The following CPQ variants were observed in gnomAD, a reference collection of about 807,000 sequenced individuals.
CPQ encodes the protein carboxypeptidase Q, also known as Ser-Met dipeptidase.
A neutral mutation model predicts 45.7 loss-of-function variants in CPQ; 37 were observed. The observed-to-expected ratio is 0.81, with a 90% CI of 0.62 to 1.07. The LOEUF (loss-of-function observed/expected upper bound fraction) is 1.07, where lower values mean the gene tolerates loss of function less well. Among genes scored for constraint, CPQ ranks in the 50% least tolerant of loss-of-function variants. The pLI, the probability that CPQ is intolerant of heterozygous loss-of-function variation, is 0.00. For synonymous variants in CPQ, 186 were observed against 205.8 expected (o/e 0.90, Z 0.82); for missense variants, 537 against 572.9 (o/e 0.94, Z 0.64).
chr8:96,862,188 C>T (rs1423247500), intron 3 of CPQ, among the ~76,000 whole-genome samples: 2 of 151,854 alleles, frequency 1.3e-5, no homozygotes, highest in Non-Finnish European at 2.9e-5. Context: ...CCAGCCCTTC[C>T]GCTTATGCAT....
intron 4 of CPQ, among the ~76,000 whole-genome samples, chr8:96,913,074 T>C (rs1389400603): frequency 6.6e-6 from 1 of 152,158 alleles, no homozygotes; most frequent in Non-Finnish European, 1.5e-5. Flanking sequence ...CTTCTTCTCT[T>C]AGAAAGGAGG....
Position 97,085,593 on chromosome 8 carries a change from G to T in CPQ, c.1255+19383G>T, listed in dbSNP as rs371827348. Reference sequence around the variant, plus strand: ...GATATTTGGCAATACCCAGAATATTGACCATTTTTCCTATTTTCATCCAAA... The same window carrying T: ...GATATTTGGCAATACCCAGAATATTTACCATTTTTCCTATTTTCATCCAAA... On this transcript the variant is annotated intron_variant, in intron 7 of 7. Coordinates refer to ENST00000220763, the MANE Select transcript of CPQ (RefSeq NM_016134.4). 3.9e-5 allele frequency among the ~76,000 whole-genome samples: 6 copies of T among 152,204 alleles called. No homozygotes were observed. The East Asian group carries it at 1.2e-3, about 29-fold the overall frequency.
intron 7 of CPQ, among the ~76,000 whole-genome samples, chr8:97,107,888 T>C (rs1008364197): frequency 1.3e-5 from 2 of 152,118 alleles, no homozygotes; most frequent in African/African-American, 4.8e-5. Flanking sequence ...ATTATCTGAG[T>C]AGGCAAAAGG....
At chr8:97,011,287 C>T (rs1809480370) in intron 5 of CPQ, among the ~76,000 whole-genome samples, 1 of 152,204 alleles carries the variant, frequency 6.6e-6, no homozygotes, top group African/African-American at 2.4e-5. Flanking sequence ...CTCTCACCCA[C>T]ACCAACCAAA....
chr8:96,855,594 C>T (rs775285435), intron 3 of CPQ, among the ~76,000 whole-genome samples: 4 of 152,162 alleles, frequency 2.6e-5, no homozygotes, highest in Non-Finnish European at 4.4e-5. Flanking sequence ...TCCTTTCAGC[C>T]GCTCTCATTT....
chr8:96,699,938 A>G (rs1483432949), intron 1 of CPQ, among the ~76,000 whole-genome samples: 2 of 152,140 alleles, frequency 1.3e-5, no homozygotes, highest in Non-Finnish European at 2.9e-5. Flanking sequence ...TACATTTGTG[A>G]GTTTCTTGCC....
At chr8:97,035,569 T>C (rs548375793) in intron 6 of CPQ, among the ~76,000 whole-genome samples, 1 of 152,212 alleles carries the variant, frequency 6.6e-6, no homozygotes. Flanking sequence ...ATAGGTGTTA[T>C]GTGTTTATAT....
chr8:96,808,812 T>C (rs1283359146), intron 2 of CPQ, among the ~76,000 whole-genome samples: 1 of 152,184 alleles, frequency 6.6e-6, no homozygotes, highest in Non-Finnish European at 1.5e-5. Flanking sequence ...AGGTCAATAG[T>C]ATCTACTTTC....
chr8:96,719,241 A>G (rs1012414775), intron 1 of CPQ, among the ~76,000 whole-genome samples: 10 of 152,232 alleles, frequency 6.6e-5, no homozygotes, highest in Non-Finnish European at 1.3e-4. Flanking sequence ...GCAGGAAGGC[A>G]GCTAAGGCTT....
intron 6 of CPQ, among the ~76,000 whole-genome samples, chr8:97,045,322 T>C (rs1469633870): frequency 2.0e-5 from 3 of 152,198 alleles, no homozygotes; most frequent in African/African-American, 4.8e-5. Context: ...TGGTGCGCCA[T>C]TTTTTAAGCC....
intron 4 of CPQ, among the ~76,000 whole-genome samples, chr8:96,932,884 G>A (rs1428686270): frequency 2.0e-5 from 3 of 152,226 alleles, no homozygotes; most frequent in Admixed American, 6.5e-5. Flanking sequence ...GTGAGTAGAC[G>A]GCTGTGGAAT....
chr8:97,122,651 C>T (rs1467632139), intron 7 of CPQ, among the ~76,000 whole-genome samples: 1 of 151,730 alleles, frequency 6.6e-6, no homozygotes, highest in Non-Finnish European at 1.5e-5. Context: ...TTTGGGAGGC[C>T]AAGGCACGCG....
At chr8:96,750,756 T>G (rs1810247446) in intron 1 of CPQ, among the ~76,000 whole-genome samples, 1 of 152,058 alleles carries the variant, frequency 6.6e-6, no homozygotes, top group African/African-American at 2.4e-5. Context: ...TCAGCATCCA[T>G]TAGCTTTTCT....
At chr8:97,045,334 G>A (rs553867809) in intron 6 of CPQ, among the ~76,000 whole-genome samples, 17 of 152,300 alleles carry the variant, frequency 1.1e-4, no homozygotes, top group African/African-American at 2.9e-4. Context: ...TTTTAAGCCC[G>A]TCGGAAAAGC....
intron 2 of CPQ, among the ~76,000 whole-genome samples, chr8:96,819,062 G>A (rs974690079): frequency 6.6e-6 from 1 of 151,722 alleles, no homozygotes; most frequent in Non-Finnish European, 1.5e-5. Flanking sequence ...CCTCTACTCC[G>A]TAACTGAAAA....
chr8:96,674,150 A>G (rs1387644523), intron 1 of CPQ, among the ~76,000 whole-genome samples: 2 of 152,174 alleles, frequency 1.3e-5, no homozygotes, highest in Non-Finnish European at 2.9e-5. Context: ...AAAATACCCA[A>G]AGCTGGCATT....
chr8:96,813,437 T>A (rs1811184591), intron 2 of CPQ, among the ~76,000 whole-genome samples: 1 of 152,164 alleles, frequency 6.6e-6, no homozygotes, highest in African/African-American at 2.4e-5. Context: ...ACTGTGATGG[T>A]TCAGGGATAA....
At chr8:96,725,584 CAG>C (rs1329720430) in intron 1 of CPQ, among the ~76,000 whole-genome samples, 1 of 152,192 alleles carries the variant, frequency 6.6e-6, no homozygotes, top group East Asian at 1.9e-4. Flanking sequence ...CAAAAAATAA[CAG>C]ATGCTGGTGA....
At chr8:96,674,315 T>G (rs1344879973) in intron 1 of CPQ, among the ~76,000 whole-genome samples, 2 of 152,164 alleles carry the variant, frequency 1.3e-5, no homozygotes, top group African/African-American at 2.4e-5. Context: ...CTTTTGTGGG[T>G]TTATTGAGAC....
Sources: allele counts gnomAD v4.1 joint callset (sites outside exome capture counted in the v4.1 genomes callset), GRCh38; gene constraint gnomAD v4.1.1; transcripts MANE v1.5; gene names NCBI Gene and HGNC (gene_info 2026-07-23, HGNC 2026-07-21).